Variants in CLCN3 observed in about 807,000 individuals in gnomAD.
CLCN3 encodes H(+)/Cl(-) exchange transporter 3.
CLCN3 carries 16 observed loss-of-function variants against 83.4 expected under a neutral mutation model. That is an observed-to-expected ratio of 0.19 (90% CI 0.13 to 0.29). CLCN3 has a LOEUF of 0.29. CLCN3 is among the 10% of genes least tolerant of loss of function. CLCN3 has a pLI of 1.00. For synonymous variants in CLCN3, 322 were observed against 346.2 expected, an observed-to-expected ratio of 0.93 and a Z score of 0.78; for missense variants, 544 against 1,006.0, an observed-to-expected ratio of 0.54 and a Z score of 6.21.
chr4:169,663,510 A>ATTTT, intron 2 of CLCN3: 18 of 245,760 alleles, frequency 7.3e-5, no homozygotes, highest in South Asian at 2.4e-4. Flanking sequence ...AAAAAACAAA[A>ATTTT]TTTTTTTTTT....
Position 169,689,241 on chromosome 4 carries a change from C to A in CLCN3, c.606+11C>A, listed in dbSNP as rs1177876172. 1 of 1,599,668 alleles carries A rather than the reference C, an allele frequency of 6.3e-7. No homozygotes were observed. ...ATAGGTCAAGCAGAGGTAAGTCTTG[C>A]TTTGTCTCAAGATGAATTAATAATT... On this transcript the variant is annotated intron_variant, in intron 5 of 12. Coordinates refer to ENST00000513761, the MANE Select transcript of CLCN3 (RefSeq NM_001829.4).
At chr4:169,685,454 G>A (rs942696394) in intron 3 of CLCN3, among the ~76,000 whole-genome samples, 35 of 151,950 alleles carry the variant, frequency 2.3e-4, no homozygotes, top group Non-Finnish European at 4.4e-5. Flanking sequence ...AAAAATATAA[G>A]CATAAATATT....
intron 2 of CLCN3, among the ~76,000 whole-genome samples, chr4:169,671,333 AAACT>A (rs1397184573): frequency 1.1e-4 from 16 of 152,204 alleles, no homozygotes; most frequent in Admixed American, 1.0e-3. Context: ...CATTCTCAGC[AAACT>A]AACACAGAAA....
intron 3 of CLCN3, among the ~76,000 whole-genome samples, chr4:169,684,975 A>ATTT (rs34668119): frequency 7.8e-6 from 1 of 127,962 alleles, no homozygotes; most frequent in Non-Finnish European, 1.6e-5. Flanking sequence ...TGCCTGGCTA[A>ATTT]TTTTTTTTTT....
chr4:169,713,673 T>C (rs1733311937), intron 12 of CLCN3, among the ~76,000 whole-genome samples: 1 of 152,202 alleles, frequency 6.6e-6, no homozygotes, highest in South Asian at 2.1e-4. Flanking sequence ...ATTTTTAGTA[T>C]ATAAATTTCT....
At chr4:169,636,883 C>T (rs993162137) in intron 2 of CLCN3, among the ~76,000 whole-genome samples, 10 of 151,758 alleles carry the variant, frequency 6.6e-5, no homozygotes, top group African/African-American at 2.2e-4. Flanking sequence ...ATGTATATCT[C>T]AGCATTATCA....
At chr4:169,695,761 A>G in intron 8 of CLCN3, 69 bp downstream of exon 8, 1 of 1,093,976 alleles carries the variant, frequency 9.1e-7, no homozygotes, top group Non-Finnish European at 1.4e-6. Flanking sequence ...CACACATTTC[A>G]GTTTTGTAGG....
chr4:169,680,364 G>A (rs1430340316), intron 3 of CLCN3, 157 bp downstream of exon 3: 1 of 597,268 alleles, frequency 1.7e-6, no homozygotes, highest in Non-Finnish European at 2.9e-6. Context: ...CTTTTTCTAT[G>A]TTTAATTTTT....
chr4:169,659,012 C>CCTT (rs1176334703), intron 2 of CLCN3, among the ~76,000 whole-genome samples: 3 of 152,114 alleles, frequency 2.0e-5, no homozygotes, highest in African/African-American at 7.2e-5. Context: ...TTTTCTCTTT[C>CCTT]CTTCTCTCAC....
intron 2 of CLCN3, among the ~76,000 whole-genome samples, chr4:169,648,928 G>A (rs1287780362): frequency 6.6e-6 from 1 of 151,968 alleles, no homozygotes; most frequent in Non-Finnish European, 1.5e-5. Context: ...TCGGGAGACT[G>A]AGGCACGAGA....
chr4:169,709,093 C>G (rs1167195097), intron 11 of CLCN3, among the ~76,000 whole-genome samples: 1 of 147,524 alleles, frequency 6.8e-6, no homozygotes, highest in East Asian at 1.9e-4. Context: ...TAAATATTAA[C>G]ATAATTACAT....
chr4:169,643,841 T>C (rs1404869544), intron 2 of CLCN3, among the ~76,000 whole-genome samples: 1 of 152,188 alleles, frequency 6.6e-6, no homozygotes, highest in Admixed American at 6.5e-5. Context: ...ATACAAGTTT[T>C]CCAAAATTTA....
chr4:169,624,564 G>A (rs1300858052), intron 1 of CLCN3, among the ~76,000 whole-genome samples: 1 of 151,968 alleles, frequency 6.6e-6, no homozygotes, highest in African/African-American at 2.4e-5. Context: ...CCACTGCACT[G>A]GGCTGGAATA....
At chr4:169,709,309 A>G (rs890782561) in intron 11 of CLCN3, among the ~76,000 whole-genome samples, 1 of 151,872 alleles carries the variant, frequency 6.6e-6, no homozygotes, top group Non-Finnish European at 1.5e-5. Context: ...ATACTAAAGC[A>G]GAATGTTGTA....
chr4:169,678,262 C>T (rs967036764), intron 2 of CLCN3, among the ~76,000 whole-genome samples: 3 of 152,156 alleles, frequency 2.0e-5, no homozygotes, highest in African/African-American at 7.2e-5. Context: ...TTCTCCGCAG[C>T]GTCAGGTGAC....
chr4:169,693,353 G>A (rs1732443666), intron 7 of CLCN3, among the ~76,000 whole-genome samples: 1 of 152,106 alleles, frequency 6.6e-6, no homozygotes. Context: ...TAGCATTATT[G>A]ATTACTTTCT....
intron 3 of CLCN3, chr4:169,680,530 T>G (rs538710164): frequency 1.7e-4 from 37 of 211,538 alleles, no homozygotes; most frequent in Admixed American, 4.5e-4. Context: ...GAGGTCAGCA[T>G]GATTTTGGGC....
At chr4:169,671,055 T>C (rs1458942012) in intron 2 of CLCN3, among the ~76,000 whole-genome samples, 1 of 152,224 alleles carries the variant, frequency 6.6e-6, no homozygotes, top group East Asian at 1.9e-4. Context: ...CTCAAGGATC[T>C]AGAACCAGAA....
At chr4:169,685,906 G>C (rs956500525) in intron 3 of CLCN3, among the ~76,000 whole-genome samples, 1 of 152,136 alleles carries the variant, frequency 6.6e-6, no homozygotes, top group Non-Finnish European at 1.5e-5. Flanking sequence ...GTTGCTTATA[G>C]GGTAGAAGGG....
Sources: allele counts gnomAD v4.1 joint callset (sites outside exome capture counted in the v4.1 genomes callset), GRCh38; gene constraint gnomAD v4.1.1; transcripts MANE v1.5; gene names NCBI Gene and HGNC (gene_info 2026-07-23, HGNC 2026-07-21).